PVT1: variants seen among roughly 807,000 people sequenced by gnomAD.
PVT1 encodes CXCR4/PVT1 fusion.
intron 4 of PVT1, among the ~76,000 whole-genome samples, chr8:128,047,741 T>C (rs945952505): frequency 6.6e-6 from 1 of 152,174 alleles, no homozygotes; most frequent in Admixed American, 6.5e-5. Flanking sequence ...AATGGAACAC[T>C]AATACAGCTG....
rs1311664996 is a variant in PVT1, at chr8:128,017,617, T to C, written n.912+28326T>C. Among the ~76,000 whole-genome samples, 4 of 152,070 alleles carry C rather than the reference T, an allele frequency of 2.6e-5. No individual in the cohort carries two copies. The East Asian group carries it at 5.8e-4, about 22-fold the overall frequency. The stretch of plus-strand genomic sequence containing the variant: ...CTATTTTTTTTTTTTTTTAATTTTT[T>C]TAGAGGCAGGGATCTTGCTATGTTG... On this transcript the variant is annotated intron_variant and non_coding_transcript_variant, in intron 4 of 10. Coordinates refer to ENST00000651587, the Ensembl canonical transcript of PVT1.
chr8:127,914,663 G>C (rs184690482), intron 3 of PVT1, among the ~76,000 whole-genome samples: 22 of 152,246 alleles, frequency 1.4e-4, no homozygotes, highest in African/African-American at 5.3e-4. Flanking sequence ...TGCTGTTCTA[G>C]GTGACAGAAG....
chr8:128,086,782 G>A (rs1814263278), intron 5 of PVT1, among the ~76,000 whole-genome samples: 1 of 152,230 alleles, frequency 6.6e-6, no homozygotes, highest in Non-Finnish European at 1.5e-5. Context: ...TGTTCCTACA[G>A]GGTGGGCCCT....
At chr8:127,821,253 A>T (rs2129680467) in intron 2 of PVT1, among the ~76,000 whole-genome samples, 1 of 152,316 alleles carries the variant, frequency 6.6e-6, no homozygotes. Flanking sequence ...GTGCTGTCCC[A>T]TATGGTAGCC....
intron 3 of PVT1, among the ~76,000 whole-genome samples, chr8:127,896,884 C>T (rs1815685835): frequency 6.6e-6 from 1 of 150,498 alleles, no homozygotes; most frequent in South Asian, 2.1e-4. Flanking sequence ...CTATTTGTTA[C>T]TCTAATGCTA....
intron 4 of PVT1, among the ~76,000 whole-genome samples, chr8:128,049,825 G>A (rs545143417): frequency 2.0e-5 from 3 of 152,180 alleles, no homozygotes; most frequent in African/African-American, 4.8e-5. Context: ...GGCAAGTGGT[G>A]GAACCTCTCT....
At chr8:128,047,444 C>A (rs1813630039) in intron 4 of PVT1, among the ~76,000 whole-genome samples, 1 of 152,196 alleles carries the variant, frequency 6.6e-6, no homozygotes, top group Non-Finnish European at 1.5e-5. Context: ...CAGTTGCTCA[C>A]TAAAGAGAAC....
Position 127,951,644 on chromosome 8 carries a change from G to A in PVT1, n.783-37518G>A, listed in dbSNP as rs192660954. On this transcript the variant is annotated intron_variant and non_coding_transcript_variant, in intron 3 of 10. Transcript: ENST00000651587. Reference sequence around the variant, plus strand: ...TAGACTGTGCCTGAACCTCACATTTGTCATTGCACTGGTCCTTGGCACTGT... The same window carrying A: ...TAGACTGTGCCTGAACCTCACATTTATCATTGCACTGGTCCTTGGCACTGT... Among the ~76,000 whole-genome samples the A allele has an allele frequency of 1.8e-4, 27 of 152,262 alleles. 1 individual carries two copies. The East Asian group carries it at 4.4e-3, about 25-fold the overall frequency.
chr8:127,974,023 A>G (rs1816794224), intron 3 of PVT1, among the ~76,000 whole-genome samples: 1 of 151,674 alleles, frequency 6.6e-6, no homozygotes, highest in Non-Finnish European at 1.5e-5. Context: ...TTCAGTATTT[A>G]TTTCTTGGCC....
At chr8:128,057,752 C>T (rs2130115947) in intron 4 of PVT1, among the ~76,000 whole-genome samples, 1 of 152,320 alleles carries the variant, frequency 6.6e-6, no homozygotes, top group South Asian at 2.1e-4. Flanking sequence ...GTTCGGATCT[C>T]GGCATTAAAT....
At chr8:127,890,247 A>G (rs2129802691) in intron 2 of PVT1, among the ~76,000 whole-genome samples, 1 of 152,332 alleles carries the variant, frequency 6.6e-6, no homozygotes, top group African/African-American at 2.4e-5. Flanking sequence ...GCTATGTGCC[A>G]GGCCTGGCCT....
At chr8:127,816,178 A>G (rs1280727853) in intron 2 of PVT1, among the ~76,000 whole-genome samples, 2 of 152,200 alleles carry the variant, frequency 1.3e-5, no homozygotes, top group African/African-American at 4.8e-5. Context: ...GCATATTGGT[A>G]AGTAAATACC....
At chr8:128,002,695 T>C (rs1208393443) in intron 4 of PVT1, among the ~76,000 whole-genome samples, 2 of 152,150 alleles carry the variant, frequency 1.3e-5, no homozygotes, top group Admixed American at 6.5e-5. Flanking sequence ...TTTCTTAGAA[T>C]TGCATCTTCT....
chr8:127,822,607 T>G (rs1469442081), intron 2 of PVT1, among the ~76,000 whole-genome samples: 1 of 152,014 alleles, frequency 6.6e-6, no homozygotes, highest in African/African-American at 2.4e-5. Context: ...ATAAATTCAA[T>G]GCAGTGATTA....
At chr8:127,908,818 G>A (rs1815855834) in intron 3 of PVT1, among the ~76,000 whole-genome samples, 1 of 150,350 alleles carries the variant, frequency 6.7e-6, no homozygotes, top group African/African-American at 2.5e-5. Context: ...CGTAGCAGTA[G>A]GGTCCCTGCC....
At chr8:128,097,562 G>A (rs1235165296) in intron 6 of PVT1, among the ~76,000 whole-genome samples, 5 of 152,086 alleles carry the variant, frequency 3.3e-5, no homozygotes, top group Non-Finnish European at 7.4e-5. Flanking sequence ...TGTGCCAGTC[G>A]CAGGATTAGG....
At chr8:127,963,476 A>G (rs1816669609) in intron 3 of PVT1, among the ~76,000 whole-genome samples, 1 of 152,230 alleles carries the variant, frequency 6.6e-6, no homozygotes, top group South Asian at 2.1e-4. Context: ...TCCTCTGAGA[A>G]AAAGTGTGGC....
At chr8:127,856,597 T>G (rs1456992556) in intron 2 of PVT1, among the ~76,000 whole-genome samples, 1 of 152,128 alleles carries the variant, frequency 6.6e-6, no homozygotes, top group Non-Finnish European at 1.5e-5. Context: ...TGCCTCGGCC[T>G]TCCAAAGTGC....
intron 3 of PVT1, among the ~76,000 whole-genome samples, chr8:127,958,167 A>G (rs1190142430): frequency 6.6e-6 from 1 of 152,244 alleles, no homozygotes; most frequent in African/African-American, 2.4e-5. Flanking sequence ...ATATTTATTC[A>G]GCACCTACTA....
Sources: allele counts gnomAD v4.1 joint callset (sites outside exome capture counted in the v4.1 genomes callset), GRCh38; gene constraint gnomAD v4.1.1; transcripts MANE v1.5; gene names NCBI Gene and HGNC (gene_info 2026-07-23, HGNC 2026-07-21).